Variants in IMMP2L observed in about 807,000 individuals in gnomAD.
IMMP2L encodes the protein inner mitochondrial membrane peptidase subunit 2.
IMMP2L carries 18 observed loss-of-function variants against 19.3 expected under a neutral mutation model. The ratio of observed to expected loss-of-function variants is 0.93; its 90% CI spans 0.64 to 1.38. The LOEUF is 1.38. IMMP2L is among the 40% of genes most tolerant of loss of function. The probability of loss-of-function intolerance (pLI) is 0.00; values close to 1 mark genes in which losing one functional copy is unlikely to be tolerated. For missense variants in IMMP2L, 233 were observed against 218.2 expected (o/e 1.07, Z -0.43); for synonymous variants, 76 against 73.0 (o/e 1.04, Z -0.21).
intron 3 of IMMP2L, chr7:111,392,932 G>A: frequency 2.3e-6 from 1 of 433,692 alleles, no homozygotes; most frequent in Non-Finnish European, 4.6e-6. Flanking sequence ...CACCTGGCAT[G>A]TGGATGTGTT....
chr7:110,823,718 G>A (rs1179316630), intron 5 of IMMP2L, among the ~76,000 whole-genome samples: 2 of 151,936 alleles, frequency 1.3e-5, no homozygotes, highest in Non-Finnish European at 2.9e-5. Context: ...CATACTTTGA[G>A]AGCAAAATTA....
chr7:111,509,257 T>C (rs1735803958), intron 2 of IMMP2L, among the ~76,000 whole-genome samples: 1 of 152,132 alleles, frequency 6.6e-6, no homozygotes, highest in Non-Finnish European at 1.5e-5. Flanking sequence ...ATGGGGCTCA[T>C]TAATCTTCAT....
chr7:110,773,977 T>C (rs1484251323), intron 5 of IMMP2L, among the ~76,000 whole-genome samples: 1 of 152,070 alleles, frequency 6.6e-6, no homozygotes, highest in East Asian at 1.9e-4. Flanking sequence ...ACATATTTTC[T>C]TTCTGTATCT....
chr7:111,306,980 C>CTA (rs1425290575), intron 3 of IMMP2L, among the ~76,000 whole-genome samples: 149 of 147,676 alleles, frequency 1.0e-3, no homozygotes, highest in Middle Eastern at 3.6e-3. Context: ...TAACTATATT[C>CTA]TATATAGATA....
intron 3 of IMMP2L, among the ~76,000 whole-genome samples, chr7:111,177,611 T>C (rs1471874457): frequency 2.6e-5 from 4 of 152,218 alleles, no homozygotes; most frequent in Admixed American, 6.5e-5. Flanking sequence ...AATCAAAGAA[T>C]AGTCAGCTTT....
At chr7:110,784,232 G>GGAAA (rs1278158811) in intron 5 of IMMP2L, among the ~76,000 whole-genome samples, 1 of 151,842 alleles carries the variant, frequency 6.6e-6, no homozygotes, top group African/African-American at 2.4e-5. Context: ...CTTCAGCAAT[G>GGAAA]GAAAGACCTT....
intron 3 of IMMP2L, among the ~76,000 whole-genome samples, chr7:111,379,130 G>C (rs367601421): frequency 6.7e-6 from 1 of 148,958 alleles, no homozygotes; most frequent in Non-Finnish European, 1.5e-5. Flanking sequence ...AACACAATAC[G>C]TGACATTTGT....
intron 3 of IMMP2L, among the ~76,000 whole-genome samples, chr7:111,391,092 A>G (rs1832310739): frequency 6.6e-6 from 1 of 152,124 alleles, no homozygotes; most frequent in Admixed American, 6.6e-5. Flanking sequence ...ATATCCTGTT[A>G]TTTTCATTTT....
rs1269637453 is a variant in IMMP2L at position 111,556,029 on chromosome 7, TATATATAC to T, written c.-3+5814_-3+5821del. Among the ~76,000 whole-genome samples the T allele has an allele frequency of 3.0e-4, 40 of 133,944 alleles. 5 individuals are homozygous for T. The South Asian group carries it at 8.3e-3, about 28-fold the overall frequency. 87.9% of individuals were successfully genotyped at this position (133,944 alleles called of 152,430 possible). On this transcript the variant is annotated intron_variant, in intron 1 of 5. Transcript: ENST00000405709. ...TCTTCTGTGTGCATGTATATATATA[TATATATAC>T]ATACCCAAAGAAAATGAAACCGCAA...
chr7:111,132,154 A>G (rs1391403721), intron 3 of IMMP2L, among the ~76,000 whole-genome samples: 1 of 152,048 alleles, frequency 6.6e-6, no homozygotes, highest in Admixed American at 6.6e-5. Context: ...AACACAAAGA[A>G]CACTAGTTTA....
chr7:110,882,804 G>C (rs965697875), intron 5 of IMMP2L, among the ~76,000 whole-genome samples: 47 of 150,010 alleles, frequency 3.1e-4, no homozygotes, highest in African/African-American at 1.1e-3. Flanking sequence ...GCATTATATA[G>C]GGGAAAAAAT....
intron 3 of IMMP2L, among the ~76,000 whole-genome samples, chr7:111,087,447 T>A (rs1360159962): frequency 6.8e-6 from 1 of 147,092 alleles, no homozygotes; most frequent in African/African-American, 2.5e-5. Context: ...AGACTCCATC[T>A]TAAAAAAAGA....
At chr7:110,817,289 A>G (rs1304711772) in intron 5 of IMMP2L, among the ~76,000 whole-genome samples, 1 of 152,132 alleles carries the variant, frequency 6.6e-6, no homozygotes, top group African/African-American at 2.4e-5. Flanking sequence ...TCAATGTACC[A>G]AAATCACGAG....
At chr7:111,429,386 G>A (rs1585063984) in intron 3 of IMMP2L, among the ~76,000 whole-genome samples, 1 of 151,894 alleles carries the variant, frequency 6.6e-6, no homozygotes, top group Admixed American at 6.6e-5. Flanking sequence ...CAAGGCCTGA[G>A]TGAAAAGTAT....
At chr7:111,516,205 T>C (rs1203191699) in intron 2 of IMMP2L, among the ~76,000 whole-genome samples, 1 of 152,126 alleles carries the variant, frequency 6.6e-6, no homozygotes, top group Non-Finnish European at 1.5e-5. Flanking sequence ...AAGAAAAGCA[T>C]TAATATACCA....
intron 3 of IMMP2L, among the ~76,000 whole-genome samples, chr7:111,174,542 A>G (rs1806821603): frequency 6.6e-6 from 1 of 151,788 alleles, no homozygotes; most frequent in African/African-American, 2.4e-5. Context: ...CGGGAAATAT[A>G]CAGCCTAAAT....
At chr7:111,275,439 T>C (rs184454778) in intron 3 of IMMP2L, among the ~76,000 whole-genome samples, 23 of 152,314 alleles carry the variant, frequency 1.5e-4, no homozygotes, top group African/African-American at 5.5e-4. Flanking sequence ...CTTGGGCTAC[T>C]TCCTACAAGT....
At chr7:111,374,900 A>C (rs1329687694) in intron 3 of IMMP2L, among the ~76,000 whole-genome samples, 1 of 152,166 alleles carries the variant, frequency 6.6e-6, no homozygotes, top group East Asian at 1.9e-4. Context: ...CACTAAGTCT[A>C]GACTTTTGTT....
At chr7:110,852,004 A>G (rs889036249) in intron 5 of IMMP2L, among the ~76,000 whole-genome samples, 5 of 152,068 alleles carry the variant, frequency 3.3e-5, no homozygotes, top group Non-Finnish European at 7.4e-5. Context: ...TTGACACTGC[A>G]TGACTGCTGA....
Sources: allele counts gnomAD v4.1 joint callset (sites outside exome capture counted in the v4.1 genomes callset), GRCh38; gene constraint gnomAD v4.1.1; transcripts MANE v1.5; gene names NCBI Gene and HGNC (gene_info 2026-07-23, HGNC 2026-07-21).